The following DAB1 variants were observed in gnomAD, a reference collection of about 807,000 sequenced individuals.
DAB1 encodes DAB adaptor protein 1.
In DAB1, 15 loss-of-function variants were observed where a neutral mutation model predicts 64.6. The observed-to-expected ratio is 0.23, with a 90% CI of 0.16 to 0.36. DAB1 has a LOEUF of 0.36. DAB1 is among the 10% of genes least tolerant of loss of function. The pLI, the probability that DAB1 is intolerant of heterozygous loss-of-function variation, is 1.00. For missense variants in DAB1, 596 were observed against 706.7 expected (o/e 0.84, Z 1.78); for synonymous variants, 235 against 251.9 (o/e 0.93, Z 0.64).
intron 4 of DAB1, among the ~76,000 whole-genome samples, chr1:58,282,768 G>A (rs1661592386): frequency 6.6e-6 from 1 of 152,206 alleles, no homozygotes; most frequent in Admixed American, 6.5e-5. Context: ...CACTTGCATG[G>A]TGTTGAAACC....
At chr1:57,369,068 A>G (rs1202423949) in intron 1 of DAB1, among the ~76,000 whole-genome samples, 1 of 152,202 alleles carries the variant, frequency 6.6e-6, no homozygotes, top group Non-Finnish European at 1.5e-5. Context: ...AATCAAGGAG[A>G]CAGGCAATAG....
rs981100096 is a variant in DAB1 at position 57,806,922 on chromosome 1, A to T, written n.551+77077T>A. ...CCACTAAAATGTAAGCTCCAAGAGG[A>T]CAGGGATTTTGTTTGTTTTGTCTGT... On this transcript the variant is annotated intron_variant and non_coding_transcript_variant, in intron 6 of 20. Coordinates refer to the DAB1 transcript ENST00000485760. Among the ~76,000 whole-genome samples the T allele has an allele frequency of 9.2e-5, 14 of 152,184 alleles. 1 individual carries two copies. In the South Asian group the frequency reaches 1.0e-3, roughly 11 times the overall value.
intron 8 of DAB1, among the ~76,000 whole-genome samples, chr1:57,066,326 A>G (rs978227876): frequency 6.6e-6 from 1 of 152,226 alleles, no homozygotes; most frequent in Non-Finnish European, 1.5e-5. Context: ...TCAAAATGAT[A>G]GTCATTGTAG....
At chr1:57,871,956 G>A (rs746081830) in intron 1 of DAB1, among the ~76,000 whole-genome samples, 12 of 152,076 alleles carry the variant, frequency 7.9e-5, no homozygotes, top group Non-Finnish European at 1.5e-4. Context: ...GTCAGACTCT[G>A]CTATTTAGGG....
intron 3 of DAB1, among the ~76,000 whole-genome samples, chr1:57,140,538 A>T (rs1333589638): frequency 1.3e-5 from 2 of 152,152 alleles, no homozygotes; most frequent in Non-Finnish European, 2.9e-5. Flanking sequence ...CATGCTACAA[A>T]TATGTCCAAA....
intron 5 of DAB1, among the ~76,000 whole-genome samples, chr1:58,025,658 T>G (rs1646882221): frequency 7.8e-6 from 1 of 128,206 alleles, no homozygotes; most frequent in South Asian, 2.4e-4. Context: ...TGTGTATATA[T>G]ATATATATAT....
chr1:58,412,081 C>A (rs532729931), intron 3 of DAB1, among the ~76,000 whole-genome samples: 20 of 152,134 alleles, frequency 1.3e-4, no homozygotes, highest in Non-Finnish European at 2.2e-4. Context: ...GGGCACATAA[C>A]CCACACTGAG....
intron 8 of DAB1, among the ~76,000 whole-genome samples, chr1:57,067,159 A>C (rs2100582514): frequency 6.6e-6 from 1 of 152,276 alleles, no homozygotes; most frequent in East Asian, 1.9e-4. Flanking sequence ...TTCCAATAGA[A>C]GGAGATAAAA....
At chr1:58,081,520 T>A (rs1319662044) in intron 5 of DAB1, among the ~76,000 whole-genome samples, 1 of 152,230 alleles carries the variant, frequency 6.6e-6, no homozygotes, top group Non-Finnish European at 1.5e-5. Context: ...ATGCCTGCAC[T>A]TAAATGCTCA....
chr1:58,049,094 C>T, intron 5 of DAB1: 1 of 803,336 alleles, frequency 1.2e-6, no homozygotes, highest in South Asian at 1.3e-5. Context: ...CATCCACCTC[C>T]TCCACAGTGG....
intron 5 of DAB1, among the ~76,000 whole-genome samples, chr1:58,023,804 A>G (rs1417882600): frequency 6.6e-6 from 1 of 152,196 alleles, no homozygotes; most frequent in East Asian, 1.9e-4. Context: ...GCATCTAACT[A>G]AGCAGTTTTC....
chr1:58,053,852 CAA>C (rs898911996), intron 5 of DAB1, among the ~76,000 whole-genome samples: 3 of 152,198 alleles, frequency 2.0e-5, no homozygotes, highest in Admixed American at 6.5e-5. Flanking sequence ...TACTACCATA[CAA>C]AAGTTTGGGA....
intron 7 of DAB1, among the ~76,000 whole-genome samples, chr1:57,528,641 C>G (rs1852000): frequency 5.6e-3 from 24 of 4,312 alleles, no homozygotes; most frequent in East Asian, 0.12. Flanking sequence ...CAGCAGGACA[C>G]ACACACACAC....
intron 5 of DAB1, among the ~76,000 whole-genome samples, chr1:57,999,158 G>C (rs527664279): frequency 3.9e-5 from 6 of 152,262 alleles, no homozygotes; most frequent in African/African-American, 1.4e-4. Context: ...TTATTAATCT[G>C]CTATCATGGG....
At chr1:58,004,729 G>A (rs1004178175) in intron 5 of DAB1, among the ~76,000 whole-genome samples, 14 of 152,134 alleles carry the variant, frequency 9.2e-5, no homozygotes, top group South Asian at 8.3e-4. Flanking sequence ...CCAAACACAC[G>A]CACGTGCCCT....
intron 2 of DAB1, among the ~76,000 whole-genome samples, chr1:57,252,177 T>C (rs1242212125): frequency 6.6e-6 from 1 of 152,212 alleles, no homozygotes; most frequent in Non-Finnish European, 1.5e-5. Context: ...GCCCTTCCCT[T>C]GCGCTTAAAA....
intron 1 of DAB1, among the ~76,000 whole-genome samples, chr1:57,298,020 T>TG (rs1392333674): frequency 6.6e-5 from 10 of 152,230 alleles, no homozygotes; most frequent in Non-Finnish European, 1.3e-4. Context: ...TCCTGCCCCC[T>TG]GGACCACTGC....
intron 6 of DAB1, among the ~76,000 whole-genome samples, chr1:57,811,367 C>G (rs1385310658): frequency 2.0e-5 from 3 of 152,160 alleles, no homozygotes; most frequent in Admixed American, 6.5e-5. Context: ...CTCCTGAGAT[C>G]TGGTTGTTTA....
chr1:58,504,571 G>A (rs1013833524), intron 3 of DAB1, among the ~76,000 whole-genome samples: 10 of 151,632 alleles, frequency 6.6e-5, no homozygotes, highest in Non-Finnish European at 1.3e-4. Context: ...TTTCTTATTT[G>A]CATTACCTAA....
Sources: gnomAD v4.1 joint callset for allele counts (sites outside exome capture counted in the v4.1 genomes callset) on GRCh38, gnomAD v4.1.1 for gene constraint, MANE v1.5 for transcripts, NCBI Gene and HGNC (gene_info 2026-07-23, HGNC 2026-07-21) for gene names.